The following H3C12 variants were observed in gnomAD, a reference collection of about 807,000 sequenced individuals.
H3C12 encodes the protein histone H3.1.
In H3C12, 7 loss-of-function variants were observed where a neutral mutation model predicts 7.0. The observed-to-expected ratio is 1.00, with a 90% CI of 0.57 to 1.87. H3C12 has a LOEUF of 1.87. H3C12 is among the 40% of genes most tolerant of loss of function. The pLI, the probability that H3C12 is intolerant of heterozygous loss-of-function variation, is 0.00. For missense variants in H3C12, 167 were observed against 191.4 expected (o/e 0.87, Z 0.75); for synonymous variants, 100 against 78.5 (o/e 1.27, Z -1.45).
At position 27,890,780 on chromosome 6, in the gene H3C12, T is replaced by C. The variant is rs774404210; in HGVS notation, c.13A>G (p.Lys5Glu). MART[K>E]QTARKSTGGK... ...CCGGTAGACTTGCGAGCTGTCTGCT[T>C]CGTCCGGGCCATAGTTGAGAAAGCT... is the stretch of plus-strand genomic sequence containing the variant. The change falls in exon 1 of 1, where the codon AAG becomes GAG. Residue 5 changes from lysine (K) to glutamate (E), a missense_variant. Lys to Glu is a moderately conservative substitution (Grantham distance 56). Coordinates refer to ENST00000359303, the MANE Select transcript of H3C12 (RefSeq NM_003535.3). 5.6e-6 allele frequency: 9 copies of C among 1,613,060 alleles called. No homozygotes were observed. The highest frequency in any genetic ancestry group is 7.6e-6 in the Non-Finnish European group (9 of 1,179,518).
rs1761882351 is a variant in H3C12, at chr6:27,890,748, C to T, written c.45G>A (p.Lys15=). ...KQTARKSTGG[K]APRKQLATKA... is the part of the protein sequence containing the mutation. ...TGGTGGCCAGCTGCTTCCGCGGTGC[C>T]TTGCCGCCGGTAGACTTGCGAGCTG... Residue 15 remains lysine, a synonymous_variant, in exon 1 of 1, where the codon AAG becomes AAA. Coordinates refer to ENST00000359303, the MANE Select transcript of H3C12 (RefSeq NM_003535.3). The T allele has an allele frequency of 6.2e-7, 1 of 1,613,674 alleles. No homozygotes were observed. The highest frequency in any genetic ancestry group is 1.7e-5 in the Admixed American group (1 of 59,894).
chr6:27,890,592 T>C lies in H3C12; in HGVS notation c.201A>G (p.Pro67=). ...KSTELLIRKL[P]FQRLVREIAQ... ...CGATTTCTCGCACCAGGCGCTGAAA[T>C]GGCAGTTTGCGGATGAGCAGCTCAG... is the stretch of plus-strand genomic sequence containing the variant. The change falls in exon 1 of 1, where the codon CCA becomes CCG. Residue 67 remains proline, a synonymous_variant. Coordinates refer to ENST00000359303, the MANE Select transcript of H3C12 (RefSeq NM_003535.3). 2 of 1,614,240 alleles carry C rather than the reference T, an allele frequency of 1.2e-6. No homozygotes were observed. The highest frequency in any genetic ancestry group is 1.1e-5 in the South Asian group (1 of 91,088).
chr6:27,890,547 G>A lies in H3C12; in HGVS notation c.246C>T (p.Asp82=), dbSNP rs1360924407. The A allele has an allele frequency of 9.9e-6, 16 of 1,614,162 alleles. No homozygotes were observed. The highest frequency in any genetic ancestry group is 4.0e-5 in the African/African-American group (3 of 74,956). Reference sequence around the variant, plus strand: ...TCACCGCCGAGCTCTGGAAACGAAGGTCGGTTTTGAAATCCTGCGCGATTT... The same window carrying A: ...TCACCGCCGAGCTCTGGAAACGAAGATCGGTTTTGAAATCCTGCGCGATTT... ...VREIAQDFKT[D]LRFQSSAVMA... Residue 82 remains aspartate, a synonymous_variant, in exon 1 of 1, where the codon GAC becomes GAT. Coordinates refer to ENST00000359303, the MANE Select transcript of H3C12 (RefSeq NM_003535.3).
Position 27,890,422 on chromosome 6 carries a change from T to G in H3C12, c.371A>C (p.Asp124Ala). 6.2e-7 allele frequency: 1 copy of G among 1,605,738 alleles called. No individual in the cohort carries two copies. The highest frequency in any genetic ancestry group is 8.5e-7 in the Non-Finnish European group (1 of 1,174,494). The change falls in exon 1 of 1, where the codon GAC (aspartate) becomes GCC (alanine). Residue 124 changes from aspartate (D) to alanine (A), a missense_variant. Asp to Ala is a moderately radical substitution (Grantham distance 126). Around this residue, in one of 2 missense-constraint regions of H3C12, gnomAD observed 121 missense variants for 112.5 expected, o/e 1.08. Transcript: ENST00000359303. ...HAKRVTIMPK[D>A]IQLARRIRGE... ...ACGGATACGACGCGCAAGCTGGATG[T>G]CCTTAGGCATAATAGTGACACGCTT...
Position 27,890,361 on chromosome 6 carries a change from A to C in H3C12, c.*21T>G. ...TTTGGAAGCTTGGAAGCAATTAAGA[A>C]ACCCAAGATAGAGCAGGGGATTATG... On this transcript the variant is annotated 3_prime_UTR_variant, in exon 1 of 1. Coordinates refer to ENST00000359303, the MANE Select transcript of H3C12 (RefSeq NM_003535.3). 1 of 1,526,652 alleles carries C rather than the reference A, an allele frequency of 6.6e-7. No homozygotes were observed. Among genetic ancestry groups the C allele is most frequent in the Non-Finnish European group, 8.8e-7 (1 of 1,138,408 alleles). The allele number at this position is 1,526,652 out of a possible 1,614,324, so 94.6% of individuals were successfully genotyped here. A position where few individuals can be genotyped will look rare whatever the true frequency, so the allele number is the denominator to read the frequency against.
In H3C12 at chr6:27,890,368, G is replaced by T; in HGVS notation, c.*14C>A. ...GCTTGGAAGCAATTAAGAAACCCAA[G>T]ATAGAGCAGGGGATTATGCTCGCTC... is the stretch of plus-strand genomic sequence containing the variant. On this transcript the variant is annotated 3_prime_UTR_variant, in exon 1 of 1. Transcript: ENST00000359303. The T allele has an allele frequency of 1.3e-6, 2 of 1,545,990 alleles. No homozygotes were observed. The highest frequency in any genetic ancestry group is 1.7e-6 in the Non-Finnish European group (2 of 1,146,762).
Position 27,890,795 on chromosome 6 carries a change from T to A in H3C12, c.-3A>T. The A allele has an allele frequency of 6.2e-7, 1 of 1,606,744 alleles. No individual in the cohort carries two copies. Among genetic ancestry groups the A allele is most frequent in the Non-Finnish European group, 8.5e-7 (1 of 1,177,408 alleles). On this transcript the variant is annotated 5_prime_UTR_variant, in exon 1 of 1. Coordinates refer to ENST00000359303, the MANE Select transcript of H3C12 (RefSeq NM_003535.3). ...GCTGTCTGCTTCGTCCGGGCCATAG[T>A]TGAGAAAGCTATGCTCTGAAAGCAA...
In H3C12 at chr6:27,890,721, C is replaced by T. The variant is rs746581803; in HGVS notation, c.72G>A (p.Lys24=). 3 of 1,613,942 alleles carry T rather than the reference C, an allele frequency of 1.9e-6. No homozygotes were observed. Among genetic ancestry groups the T allele is most frequent in the South Asian group, 2.2e-5 (2 of 91,072 alleles). ...TCGCTGGAGCGCTTTTGCGCGCTGC[C>T]TTGGTGGCCAGCTGCTTCCGCGGTG... is the stretch of plus-strand genomic sequence containing the variant. ...GKAPRKQLAT[K]AARKSAPATG... is the part of the protein sequence containing the mutation. The change falls in exon 1 of 1, where the codon AAG becomes AAA. Residue 24 remains lysine, a synonymous_variant. Coordinates refer to ENST00000359303, the MANE Select transcript of H3C12 (RefSeq NM_003535.3).
At position 27,890,372 on chromosome 6, in the gene H3C12, G is replaced by A; in HGVS notation, c.*10C>T. Reference sequence around the variant, plus strand: ...GGAAGCAATTAAGAAACCCAAGATAGAGCAGGGGATTATGCTCGCTCGCCA... The same window carrying A: ...GGAAGCAATTAAGAAACCCAAGATAAAGCAGGGGATTATGCTCGCTCGCCA... On this transcript the variant is annotated 3_prime_UTR_variant, in exon 1 of 1. Transcript: ENST00000359303. 1 of 1,554,674 alleles carries A rather than the reference G, an allele frequency of 6.4e-7. No homozygotes were observed. Among genetic ancestry groups the A allele is most frequent in the Non-Finnish European group, 8.7e-7 (1 of 1,150,264 alleles).
Position 27,890,762 on chromosome 6 carries a change from A to C in H3C12, c.31T>G (p.Ser11Ala). The C allele has an allele frequency of 6.2e-7, 1 of 1,613,674 alleles. No individual in the cohort carries two copies. Residue 11 changes from serine (S) to alanine (A), a missense_variant, in exon 1 of 1, where the codon TCT (serine) becomes GCT (alanine). Ser to Ala is a moderately conservative substitution (Grantham distance 99, BLOSUM62 1). This residue lies in a region of H3C12 where 46 missense variants were observed against 78.9 expected (regional missense o/e 0.58). Transcript: ENST00000359303. ...TTCCGCGGTGCCTTGCCGCCGGTAGACTTGCGAGCTGTCTGCTTCGTCCGG... is the reference window on the plus strand; with the variant it reads ...TTCCGCGGTGCCTTGCCGCCGGTAGCCTTGCGAGCTGTCTGCTTCGTCCGG... Reference protein sequence around the residue: MARTKQTARKSTGGKAPRKQL... With the variant: MARTKQTARKATGGKAPRKQL...
In H3C12 at chr6:27,890,409, C is replaced by T. The variant is rs747698805; in HGVS notation, c.384G>A (p.Ala128=). The stretch of plus-strand genomic sequence containing the variant: ...ATGCTCGCTCGCCACGGATACGACG[C>T]GCAAGCTGGATGTCCTTAGGCATAA... ...VTIMPKDIQL[A]RRIRGERA Residue 128 remains alanine, a synonymous_variant, in exon 1 of 1, where the codon GCG becomes GCA. Transcript: ENST00000359303. 1.9e-6 allele frequency: 3 copies of T among 1,594,996 alleles called. No homozygotes were observed. Among genetic ancestry groups the T allele is most frequent in the Non-Finnish European group, 2.6e-6 (3 of 1,168,112 alleles).
In H3C12 at chr6:27,890,523, C is replaced by G; in HGVS notation, c.270G>C (p.Val90=). Residue 90 remains valine (V), a synonymous_variant, in exon 1 of 1, where the codon GTG becomes GTC. Coordinates refer to ENST00000359303, the MANE Select transcript of H3C12 (RefSeq NM_003535.3). ...KTDLRFQSSA[V]MALQEACEAY... ...CCTCGCACGCCTCTTGCAGCGCCAT[C>G]ACCGCCGAGCTCTGGAAACGAAGGT... 6.2e-7 allele frequency: 1 copy of G among 1,614,300 alleles called. No individual in the cohort carries two copies.
chr6:27,890,494 T>C lies in H3C12; in HGVS notation c.299A>G (p.Tyr100Cys). The change falls in exon 1 of 1, where the codon TAT (tyrosine) becomes TGT (cysteine). Residue 100 changes from tyrosine to cysteine, a missense_variant. Tyr to Cys is a radical substitution (Grantham distance 194). This residue lies in a region of H3C12 where 121 missense variants were observed against 112.5 expected (regional missense o/e 1.08). Coordinates refer to ENST00000359303, the MANE Select transcript of H3C12 (RefSeq NM_003535.3). ...GGTGTCTTCAAAGAGACCCACCAGA[T>C]AGGCCTCGCACGCCTCTTGCAGCGC... ...VMALQEACEA[Y>C]LVGLFEDTNL... The C allele has an allele frequency of 6.2e-7, 1 of 1,614,282 alleles. No individual in the cohort carries two copies. Among genetic ancestry groups the C allele is most frequent in the Non-Finnish European group, 8.5e-7 (1 of 1,180,050 alleles).
chr6:27,890,600 T>G lies in H3C12; in HGVS notation c.193A>C (p.Lys65Gln), dbSNP rs1354798588. The change falls in exon 1 of 1, where the codon AAA becomes CAA. Residue 65 changes from lysine (K) to glutamine (Q), a missense_variant. Lys to Gln is a moderately conservative substitution (Grantham distance 53). Transcript: ENST00000359303. ...CGCACCAGGCGCTGAAATGGCAGTT[T>G]GCGGATGAGCAGCTCAGTCGACTTC... ...YQKSTELLIR[K>Q]LPFQRLVREI... 1.2e-6 allele frequency: 2 copies of G among 1,614,238 alleles called. No individual in the cohort carries two copies. The highest frequency in any genetic ancestry group is 3.3e-5 in the Admixed American group (2 of 60,030).
At position 27,890,500 on chromosome 6, in the gene H3C12, T is replaced by TA. The variant is rs1265781724; in HGVS notation, c.292_293insT (p.Glu98ValfsTer9). 1.2e-6 allele frequency: 2 copies of TA among 1,614,280 alleles called. No individual in the cohort carries two copies. The highest frequency in any genetic ancestry group is 1.7e-6 in the Non-Finnish European group (2 of 1,180,052). On this transcript the variant is annotated frameshift_variant, in exon 1 of 1. Coordinates refer to ENST00000359303, the MANE Select transcript of H3C12 (RefSeq NM_003535.3). LOFTEE classifies it high-confidence loss of function. ...TTCAAAGAGACCCACCAGATAGGCC[T>TA]CGCACGCCTCTTGCAGCGCCATCAC...
Position 27,890,784 on chromosome 6 carries a change from C to T in H3C12, c.9G>A (p.Arg3=). 1 of 1,612,480 alleles carries T rather than the reference C, an allele frequency of 6.2e-7. No individual in the cohort carries two copies. Among genetic ancestry groups the T allele is most frequent in the Non-Finnish European group, 8.5e-7 (1 of 1,179,312 alleles). ...TAGACTTGCGAGCTGTCTGCTTCGTCCGGGCCATAGTTGAGAAAGCTATGC... is the reference window on the plus strand; with the variant it reads ...TAGACTTGCGAGCTGTCTGCTTCGTTCGGGCCATAGTTGAGAAAGCTATGC... MA[R]TKQTARKSTG... The change falls in exon 1 of 1, where the codon CGG becomes CGA. Residue 3 remains arginine, a synonymous_variant. Coordinates refer to ENST00000359303, the MANE Select transcript of H3C12 (RefSeq NM_003535.3).
rs1169092219 is a variant in H3C12 at position 27,890,367 on chromosome 6, AG to A, written c.*14del. On this transcript the variant is annotated 3_prime_UTR_variant, in exon 1 of 1. Coordinates refer to ENST00000359303, the MANE Select transcript of H3C12 (RefSeq NM_003535.3). The stretch of plus-strand genomic sequence containing the variant: ...AGCTTGGAAGCAATTAAGAAACCCA[AG>A]ATAGAGCAGGGGATTATGCTCGCTC... The A allele has an allele frequency of 1.9e-6, 3 of 1,545,092 alleles. No individual in the cohort carries two copies. In the South Asian group the frequency reaches 3.7e-5, roughly 19 times the overall value.
Position 27,890,435 on chromosome 6 carries a change from T to C in H3C12, c.358A>G (p.Ile120Val), listed in dbSNP as rs1761875031. ...GCAAGCTGGATGTCCTTAGGCATAATAGTGACACGCTTGGCGTGAATAGCA... is the reference window on the plus strand; with the variant it reads ...GCAAGCTGGATGTCCTTAGGCATAACAGTGACACGCTTGGCGTGAATAGCA... Reference protein sequence around the residue: ...LCAIHAKRVTIMPKDIQLARR... With the variant: ...LCAIHAKRVTVMPKDIQLARR... Residue 120 changes from isoleucine (I) to valine (V), a missense_variant, in exon 1 of 1, where the codon ATT (isoleucine) becomes GTT (valine). Physicochemically the swap from Ile to Val is conservative, Grantham distance 29. Transcript: ENST00000359303. 1 of 1,612,958 alleles carries C rather than the reference T, an allele frequency of 6.2e-7. No homozygotes were observed. The highest frequency in any genetic ancestry group is 8.5e-7 in the Non-Finnish European group (1 of 1,179,154).
rs1192169264 is a variant in H3C12 at position 27,890,415 on chromosome 6, C to G, written c.378G>C (p.Gln126His). ...GCTCGCCACGGATACGACGCGCAAGCTGGATGTCCTTAGGCATAATAGTGA... is the reference window on the plus strand; with the variant it reads ...GCTCGCCACGGATACGACGCGCAAGGTGGATGTCCTTAGGCATAATAGTGA... ...KRVTIMPKDI[Q>H]LARRIRGERA The change falls in exon 1 of 1, where the codon CAG becomes CAC. Residue 126 changes from glutamine (Q) to histidine (H), a missense_variant. Coordinates refer to ENST00000359303, the MANE Select transcript of H3C12 (RefSeq NM_003535.3). 32 of 1,598,832 alleles carry G rather than the reference C, an allele frequency of 2.0e-5. No homozygotes were observed. The Admixed American group carries it at 4.8e-4, about 24-fold the overall frequency.
Sources: gnomAD v4.1 joint callset for allele counts on GRCh38, gnomAD v4.1.1 for gene constraint, gnomAD v4.1.1 regional missense constraint, MANE v1.5 for transcripts, NCBI Gene and HGNC (gene_info 2026-07-23, HGNC 2026-07-21) for gene names.